RAP1A: variants seen among roughly 807,000 people sequenced by gnomAD.
The protein encoded by RAP1A is ras-related protein Rap-1A.
In RAP1A, 6 loss-of-function variants were observed where a neutral mutation model predicts 26.4. The observed-to-expected ratio is 0.23, with a 90% CI of 0.12 to 0.45. RAP1A has a LOEUF of 0.45. Ranked by LOEUF, RAP1A falls within the 20% of genes least tolerant of loss-of-function variation. The pLI, the probability that RAP1A is intolerant of heterozygous loss-of-function variation, is 0.99. For synonymous variants in RAP1A, 73 were observed against 79.4 expected (o/e 0.92, Z 0.43); for missense variants, 121 against 217.2 (o/e 0.56, Z 2.78).
At chr1:111,659,185 C>T (rs900670895) in intron 1 of RAP1A, among the ~76,000 whole-genome samples, 7 of 152,206 alleles carry the variant, frequency 4.6e-5, no homozygotes, top group South Asian at 2.1e-4. Flanking sequence ...CCTGAAACCG[C>T]GGATATAGTA....
intron 1 of RAP1A, among the ~76,000 whole-genome samples, chr1:111,621,384 G>A (rs373772129): frequency 3.9e-5 from 6 of 152,178 alleles, no homozygotes; most frequent in African/African-American, 1.4e-4. Flanking sequence ...TCTTTATTAT[G>A]CTTTCCTATA....
chr1:111,683,619 C>T (rs959447225), intron 1 of RAP1A, among the ~76,000 whole-genome samples: 2 of 152,126 alleles, frequency 1.3e-5, no homozygotes, highest in Non-Finnish European at 2.9e-5. Flanking sequence ...ACAAAGAAGT[C>T]AACTCCTTGA....
chr1:111,558,572 T>C (rs749187649), intron 1 of RAP1A, among the ~76,000 whole-genome samples: 3 of 152,204 alleles, frequency 2.0e-5, no homozygotes, highest in Non-Finnish European at 4.4e-5. Context: ...AAAGAAAGGT[T>C]GAAACTTAAA....
chr1:111,554,937 T>G (rs945137023), intron 1 of RAP1A, among the ~76,000 whole-genome samples: 2 of 151,834 alleles, frequency 1.3e-5, no homozygotes, highest in South Asian at 4.2e-4. Context: ...AGAAACACCA[T>G]GTAAGGAAAA....
chr1:111,644,211 G>A lies in RAP1A; in HGVS notation c.-28+24277G>A, dbSNP rs72985190. Among the ~76,000 whole-genome samples the A allele has an allele frequency of 2.5e-3, 374 of 152,246 alleles. 2 individuals carry two copies. Among genetic ancestry groups the A allele is most frequent in the African/African-American group, 8.8e-3 (365 of 41,554 alleles). On this transcript the variant is annotated intron_variant, in intron 1 of 7. Transcript: ENST00000369709. ...ATATATATTTGTCCAATAAAAGGAA[G>A]AACAAATGGCTAAAATGGTTAATTT...
chr1:111,638,266 C>T (rs1439069755), intron 1 of RAP1A, among the ~76,000 whole-genome samples: 1 of 152,100 alleles, frequency 6.6e-6, no homozygotes, highest in Non-Finnish European at 1.5e-5. Flanking sequence ...GTAATTTGTC[C>T]ATTCTTCTAC....
intron 1 of RAP1A, among the ~76,000 whole-genome samples, chr1:111,549,599 G>A (rs1222846784): frequency 1.3e-5 from 2 of 148,304 alleles, no homozygotes; most frequent in Admixed American, 6.8e-5. Context: ...GTGGTGAGCC[G>A]ATATCATGCC....
At chr1:111,583,908 T>C (rs1392452613) in intron 1 of RAP1A, among the ~76,000 whole-genome samples, 1 of 136,314 alleles carries the variant, frequency 7.3e-6, no homozygotes, top group African/African-American at 2.8e-5. Context: ...TGAGACAGAG[T>C]CTCACTCTGT....
At chr1:111,592,690 G>A (rs1438463641) in intron 1 of RAP1A, among the ~76,000 whole-genome samples, 1 of 152,192 alleles carries the variant, frequency 6.6e-6, no homozygotes, top group East Asian at 1.9e-4. Context: ...TCTCAATGAA[G>A]TTTTAATCAA....
At chr1:111,657,187 A>G (rs1660488481) in intron 1 of RAP1A, among the ~76,000 whole-genome samples, 1 of 152,240 alleles carries the variant, frequency 6.6e-6, no homozygotes, top group South Asian at 2.1e-4. Context: ...TCCAAAATCC[A>G]TAACTTTTGA....
chr1:111,615,552 G>C (rs1199944203), upstream of RAP1A, among the ~76,000 whole-genome samples: 1 of 152,086 alleles, frequency 6.6e-6, no homozygotes, highest in Non-Finnish European at 1.5e-5. Flanking sequence ...TAAAATTCAG[G>C]CCAGGCGTGG....
chr1:111,578,552 T>A (rs1459809626), intron 1 of RAP1A, among the ~76,000 whole-genome samples: 1 of 152,128 alleles, frequency 6.6e-6, no homozygotes, highest in Non-Finnish European at 1.5e-5. Context: ...CAACTCATAA[T>A]GTACTGGAGT....
chr1:111,666,147 G>C (rs1439443817), intron 1 of RAP1A, among the ~76,000 whole-genome samples: 1 of 152,116 alleles, frequency 6.6e-6, no homozygotes, highest in Non-Finnish European at 1.5e-5. Context: ...ATAATCTTTT[G>C]TTGAAGTCTT....
chr1:111,716,492 T>C lies in RAP1A; in HGVS notation c.*4091T>C, dbSNP rs1331778745. The C allele has an allele frequency of 2.0e-5, 3 of 152,178 alleles. No individual in the cohort carries two copies. Among genetic ancestry groups the C allele is most frequent in the Admixed American group, 6.5e-5 (1 of 15,278 alleles). The allele number at this position is 152,178 out of a possible 1,614,324, so 9.4% of individuals were successfully genotyped here. On this transcript the variant is annotated 3_prime_UTR_variant, in exon 8 of 8. Coordinates refer to ENST00000369709, the MANE Select transcript of RAP1A (RefSeq NM_002884.4). ...AGTTCTGTTTTCTGGGAAGGCAACGTGGATTCTGTTTTGTAGACATTAATG... is the reference window on the plus strand; with the variant it reads ...AGTTCTGTTTTCTGGGAAGGCAACGCGGATTCTGTTTTGTAGACATTAATG...
At position 111,705,950 on chromosome 1, in the gene RAP1A, A is replaced by G. The variant is rs753914510; in HGVS notation, c.468+1464A>G. 4.6e-4 allele frequency among the ~76,000 whole-genome samples: 70 copies of G among 152,298 alleles called. No individual in the cohort carries two copies. In the Middle Eastern group the frequency reaches 0.014, roughly 30 times the overall value. ...GTGGGGCTGGGTTGGGCCTGAGTCC[A>G]GTGCATAGGACTTCTCCCTTTGGGA... On this transcript the variant is annotated intron_variant, in intron 6 of 7. Coordinates refer to ENST00000369709, the MANE Select transcript of RAP1A (RefSeq NM_002884.4).
intron 1 of RAP1A, among the ~76,000 whole-genome samples, chr1:111,547,661 AT>A (rs1193422337): frequency 6.6e-6 from 1 of 152,138 alleles, no homozygotes; most frequent in Non-Finnish European, 1.5e-5. Flanking sequence ...CCTTTTACAG[AT>A]TTTTTAAAGA....
At chr1:111,577,447 A>T (rs1338224571) in intron 1 of RAP1A, among the ~76,000 whole-genome samples, 2 of 148,860 alleles carry the variant, frequency 1.3e-5, no homozygotes, top group African/African-American at 2.5e-5. Context: ...GAAATTCCAG[A>T]CCCTGAAAAC....
At chr1:111,671,082 G>A in intron 1 of RAP1A, among the ~76,000 whole-genome samples, 1 of 152,188 alleles carries the variant, frequency 6.6e-6, no homozygotes, top group East Asian at 1.9e-4. Context: ...TAGAATATGT[G>A]TTCCCTTTTA....
intron 1 of RAP1A, among the ~76,000 whole-genome samples, chr1:111,661,700 G>A (rs1660642435): frequency 6.6e-6 from 1 of 151,792 alleles, no homozygotes; most frequent in Non-Finnish European, 1.5e-5. Context: ...TCAGGAGGTT[G>A]AGGCAGGAGA....
Sources: gnomAD v4.1 joint callset for allele counts (sites outside exome capture counted in the v4.1 genomes callset) on GRCh38, gnomAD v4.1.1 for gene constraint, MANE v1.5 for transcripts, NCBI Gene and HGNC (gene_info 2026-07-23, HGNC 2026-07-21) for gene names.